The following RCOR1 variants were observed in gnomAD, a reference collection of about 807,000 sequenced individuals.
The protein encoded by RCOR1 is REST corepressor 1.
A neutral mutation model predicts 64.0 loss-of-function variants in RCOR1; 12 were observed. That is an observed-to-expected ratio of 0.19 (90% CI 0.12 to 0.30). The LOEUF is 0.30. RCOR1 is among the 10% of genes least tolerant of loss of function. RCOR1 has a pLI of 1.00. For missense variants in RCOR1, 502 were observed against 621.2 expected (o/e 0.81, Z 2.04); for synonymous variants, 279 against 227.2 (o/e 1.23, Z -2.05).
chr14:102,609,523 T>G (rs917408270), intron 2 of RCOR1, among the ~76,000 whole-genome samples: 2 of 152,144 alleles, frequency 1.3e-5, no homozygotes, highest in East Asian at 1.9e-4. Context: ...CACTGCAGTT[T>G]CCGCCTTCCA....
At chr14:102,598,570 C>CT (rs1211236603) in intron 2 of RCOR1, among the ~76,000 whole-genome samples, 1 of 87,108 alleles carries the variant, frequency 1.1e-5, no homozygotes, top group African/African-American at 3.2e-5. Context: ...GCCTCAGCCT[C>CT]CCGAGTAGCT....
intron 2 of RCOR1, among the ~76,000 whole-genome samples, chr14:102,595,050 G>A (rs762226841): frequency 1.7e-4 from 26 of 152,154 alleles, no homozygotes; most frequent in Non-Finnish European, 2.5e-4. Flanking sequence ...GACATTCATC[G>A]AAATATTGAC....
At chr14:102,666,075 T>G (rs1894912010) in intron 2 of RCOR1, among the ~76,000 whole-genome samples, 1 of 152,134 alleles carries the variant, frequency 6.6e-6, no homozygotes, top group South Asian at 2.1e-4. Flanking sequence ...GTAAGCAGAC[T>G]TACAAAGATG....
chr14:102,634,230 G>T (rs1817988198), intron 2 of RCOR1, among the ~76,000 whole-genome samples: 1 of 152,038 alleles, frequency 6.6e-6, no homozygotes, highest in South Asian at 2.1e-4. Context: ...AAAACAGGCT[G>T]GGCTTCATGG....
chr14:102,638,372 TTTTC>T (rs1894289416), intron 2 of RCOR1, among the ~76,000 whole-genome samples: 2 of 152,188 alleles, frequency 1.3e-5, no homozygotes, highest in South Asian at 4.1e-4. Context: ...CGTTGTCTTC[TTTTC>T]TTTCTTTTCT....
chr14:102,698,632 C>T (rs1315221919), intron 3 of RCOR1, among the ~76,000 whole-genome samples: 4 of 152,292 alleles, frequency 2.6e-5, no homozygotes, highest in East Asian at 3.9e-4. Context: ...AGATTGTTTT[C>T]GCCTTCTGTC....
chr14:102,614,467 G>A (rs997871000), intron 2 of RCOR1, among the ~76,000 whole-genome samples: 12 of 149,588 alleles, frequency 8.0e-5, no homozygotes, highest in Non-Finnish European at 1.5e-4. Context: ...CTCGTGATCC[G>A]CCCGCCTCGG....
intron 11 of RCOR1, among the ~76,000 whole-genome samples, chr14:102,724,902 C>G (rs974703171): frequency 6.6e-6 from 1 of 152,146 alleles, no homozygotes; most frequent in African/African-American, 2.4e-5. Flanking sequence ...GGTGTCTTGC[C>G]TGTCCCTTCT....
At chr14:102,614,306 G>A (rs1893702625) in intron 2 of RCOR1, among the ~76,000 whole-genome samples, 1 of 146,586 alleles carries the variant, frequency 6.8e-6, no homozygotes, top group African/African-American at 2.5e-5. Context: ...CTCACTGCAA[G>A]CTCCGCTTCC....
chr14:102,687,895 A>G (rs780644294), intron 3 of RCOR1, among the ~76,000 whole-genome samples: 14 of 152,050 alleles, frequency 9.2e-5, no homozygotes, highest in Admixed American at 7.9e-4. Context: ...ATGTGGAAGA[A>G]TGAGTAGGAG....
chr14:102,597,790 T>C (rs909076314), intron 2 of RCOR1, among the ~76,000 whole-genome samples: 1 of 150,360 alleles, frequency 6.7e-6, no homozygotes, highest in Non-Finnish European at 1.5e-5. Flanking sequence ...TGTGCCACTA[T>C]GTCTGGCTAA....
At chr14:102,676,608 A>C (rs1895165361) in intron 2 of RCOR1, among the ~76,000 whole-genome samples, 1 of 79,624 alleles carries the variant, frequency 1.3e-5, no homozygotes, top group Non-Finnish European at 2.5e-5. Context: ...CACCTCCCGG[A>C]CGGGGCGGCT....
chr14:102,610,111 CAA>C (rs1386606289), intron 2 of RCOR1, among the ~76,000 whole-genome samples: 3 of 145,198 alleles, frequency 2.1e-5, no homozygotes, highest in African/African-American at 5.1e-5. Context: ...GCCTGGGCAA[CAA>C]GAGCGAAACT....
chr14:102,700,081 T>A (rs115890816), intron 3 of RCOR1, among the ~76,000 whole-genome samples: 31 of 152,330 alleles, frequency 2.0e-4, no homozygotes, highest in African/African-American at 7.2e-4. Flanking sequence ...ACATAAAGAA[T>A]AGTTTGTTCA....
Position 102,711,022 on chromosome 14 carries a change from T to C in RCOR1, c.858+9T>C, listed in dbSNP as rs755166122. On this transcript the variant is annotated intron_variant, in intron 7 of 11. Transcript: ENST00000262241. ...AGGAAAGCAAAAAGGAGGTATTTTT[T>C]CCCCCTAGTATTGTTTAGGCGAATA... is the stretch of plus-strand genomic sequence containing the variant. The C allele has an allele frequency of 1.9e-6, 3 of 1,573,886 alleles. No homozygotes were observed. The highest frequency in any genetic ancestry group is 2.3e-5 in the East Asian group (1 of 44,374).
rs146131333 is a variant in RCOR1, at chr14:102,607,032, C to T, written c.361+13707C>T. Reference sequence around the variant, plus strand: ...CACTGCAGCCTCTGCCTCCCGGATTCAAGTGGTTCTCCTGCCTCAGCCTCC... The same window carrying T: ...CACTGCAGCCTCTGCCTCCCGGATTTAAGTGGTTCTCCTGCCTCAGCCTCC... On this transcript the variant is annotated intron_variant, in intron 2 of 11. Transcript: ENST00000262241. 3.7e-3 allele frequency among the ~76,000 whole-genome samples: 559 copies of T among 149,304 alleles called. 9 individuals are homozygous for T. The highest frequency in any genetic ancestry group is 0.029 in the East Asian group (146 of 5,026).
rs369834887 is a variant in RCOR1 at position 102,698,620 on chromosome 14, G to A, written c.446-2658G>A. The stretch of plus-strand genomic sequence containing the variant: ...CTCCAGAGTTGACCCTCAATTTACC[G>A]CAGATTGTTTTCGCCTTCTGTCCTT... On this transcript the variant is annotated intron_variant, in intron 3 of 11. Coordinates refer to ENST00000262241, the MANE Select transcript of RCOR1 (RefSeq NM_015156.4). Among the ~76,000 whole-genome samples the A allele has an allele frequency of 1.4e-4, 21 of 152,284 alleles. No individual in the cohort carries two copies. In the South Asian group the frequency reaches 3.9e-3, roughly 29 times the overall value.
At chr14:102,613,984 C>T (rs941232113) in intron 2 of RCOR1, among the ~76,000 whole-genome samples, 3 of 145,328 alleles carry the variant, frequency 2.1e-5, no homozygotes, top group Admixed American at 7.2e-5. Flanking sequence ...CAACCTCTGC[C>T]TCCCAGGTTT....
chr14:102,622,494 C>T (rs1212193795), intron 2 of RCOR1, among the ~76,000 whole-genome samples: 4 of 152,074 alleles, frequency 2.6e-5, no homozygotes, highest in East Asian at 1.9e-4. Context: ...ATTCCCTTGT[C>T]TTCCCTCTTT....
Sources: allele counts gnomAD v4.1 joint callset (sites outside exome capture counted in the v4.1 genomes callset), GRCh38; gene constraint gnomAD v4.1.1; transcripts MANE v1.5; gene names NCBI Gene and HGNC (gene_info 2026-07-23, HGNC 2026-07-21).